Variants in CHIC1 observed in about 807,000 individuals in gnomAD.
CHIC1 encodes the protein cysteine rich hydrophobic domain 1, also known as cysteine-rich hydrophobic domain-containing protein 1.
Under a neutral mutation model 18.5 loss-of-function variants are expected in CHIC1, and 7 were observed. That is an observed-to-expected ratio of 0.38 (90% CI 0.22 to 0.71). The LOEUF is 0.71. Ranked by LOEUF, CHIC1 falls within the 30% of genes least tolerant of loss-of-function variation. The probability of loss-of-function intolerance (pLI) is 0.49; values close to 1 mark genes in which losing one functional copy is unlikely to be tolerated. For missense variants in CHIC1, 159 were observed against 176.9 expected (o/e 0.90, Z 0.57); for synonymous variants, 77 against 73.5 (o/e 1.05, Z -0.25).
intron 1 of CHIC1, among the ~76,000 whole-genome samples, chrX:73,572,491 G>T (rs1252837165): frequency 9.0e-6 from 1 of 111,147 alleles, no homozygotes; most frequent in Admixed American, 9.6e-5. Context: ...TAATGGAATT[G>T]CTGGTTTAAA....
chrX:73,686,072 C>T lies in CHIC1; in HGVS notation c.*5067C>T, dbSNP rs1603351935. On this transcript the variant is annotated 3_prime_UTR_variant, in exon 6 of 6. Transcript: ENST00000373502. ...TCCATTCATTTTGCCTATATTCTCT[C>T]AAAAGCTGTGAATGGCAGTATGTTT... 9.0e-6 allele frequency: 1 copy of T among 111,606 alleles called. No homozygotes were observed. The highest frequency in any genetic ancestry group is 1.9e-5 in the Non-Finnish European group (1 of 52,932). 9.2% of individuals were successfully genotyped at this position (111,606 alleles called of 1,213,427 possible).
Position 73,685,165 on chromosome X carries a change from C to A in CHIC1, c.*4160C>A, listed in dbSNP as rs1364854361. The A allele has an allele frequency of 9.0e-6, 1 of 111,513 alleles. No homozygotes were observed. The highest frequency in any genetic ancestry group is 1.9e-5 in the Non-Finnish European group (1 of 53,007). 9.2% of individuals were successfully genotyped at this position (111,513 alleles called of 1,213,427 possible). On this transcript the variant is annotated 3_prime_UTR_variant, in exon 6 of 6. Coordinates refer to ENST00000373502, the MANE Select transcript of CHIC1 (RefSeq NM_001039840.4). The stretch of plus-strand genomic sequence containing the variant: ...AGATCTACTGTCCTTGGTGGAAACT[C>A]TCACAGTGCCTTGCATGCAGTAAAA...
At chrX:73,564,117 A>T (rs1391558603) in intron 1 of CHIC1, among the ~76,000 whole-genome samples, 2 of 111,839 alleles carry the variant, frequency 1.8e-5, no homozygotes, top group Non-Finnish European at 3.8e-5. Context: ...GAGGTTCAGG[A>T]TGAGAGGCAG....
At chrX:73,607,364 G>C (rs2057688067) in intron 3 of CHIC1, among the ~76,000 whole-genome samples, 1 of 108,264 alleles carries the variant, frequency 9.2e-6, no homozygotes, top group South Asian at 3.8e-4. Flanking sequence ...GTTGACTTCA[G>C]ACTGCTGTGC....
rs781391555 is a variant in CHIC1, at chrX:73,679,765, T to A, written c.624+52T>A. 7.6e-6 allele frequency: 5 copies of A among 658,514 alleles called. No homozygotes were observed. The South Asian group carries it at 1.4e-4, about 19-fold the overall frequency. 54.3% of individuals were successfully genotyped at this position (658,514 alleles called of 1,213,427 possible). A position where few individuals can be genotyped will look rare whatever the true frequency, so the allele number is the denominator to read the frequency against. ...TTTTTTATTCATTCTAAATGTACCA[T>A]TTTCCTGTGTTTATCATTTGTCAAC... On this transcript the variant is annotated intron_variant, in intron 5 of 5. Coordinates refer to ENST00000373502, the MANE Select transcript of CHIC1 (RefSeq NM_001039840.4).
At chrX:73,666,605 A>T (rs138992072) in intron 3 of CHIC1, among the ~76,000 whole-genome samples, 390 of 112,317 alleles carry the variant, frequency 3.5e-3, no homozygotes, top group African/African-American at 1.0e-2. Flanking sequence ...CACACCCAGG[A>T]TCAATACTTT....
At chrX:73,669,397 G>A (rs903098086) in intron 3 of CHIC1, among the ~76,000 whole-genome samples, 4 of 111,820 alleles carry the variant, frequency 3.6e-5, no homozygotes, top group African/African-American at 9.8e-5. Flanking sequence ...GCATTACTCA[G>A]GGGGACCCTT....
intron 3 of CHIC1, among the ~76,000 whole-genome samples, chrX:73,627,964 T>C (rs1048477909): frequency 2.3e-4 from 26 of 111,862 alleles, no homozygotes; most frequent in African/African-American, 8.5e-4. Context: ...ACCTGGGTAT[T>C]GCTGCTGGTT....
At chrX:73,631,391 C>T (rs775203858) in intron 3 of CHIC1, among the ~76,000 whole-genome samples, 1 of 110,358 alleles carries the variant, frequency 9.1e-6, no homozygotes, top group Non-Finnish European at 1.9e-5. Flanking sequence ...CTTTGGGAGG[C>T]TTAGGCGGGC....
intron 5 of CHIC1, 77 bp from the exon 6 acceptor site, chrX:73,680,878 A>G (rs1419719478): frequency 1.9e-6 from 1 of 528,800 alleles, no homozygotes; most frequent in Non-Finnish European, 3.1e-6. Context: ...AAAAATGATT[A>G]TAGACTTTCT....
At chrX:73,593,399 T>C (rs1170891525) in intron 3 of CHIC1, among the ~76,000 whole-genome samples, 3 of 111,604 alleles carry the variant, frequency 2.7e-5, no homozygotes, top group Non-Finnish European at 5.7e-5. Context: ...TTGTGGATGA[T>C]TGTCTTGTAT....
At position 73,577,914 on chromosome X, in the gene CHIC1, A is replaced by G. The variant is rs973284998; in HGVS notation, c.351+453A>G. 8.2e-5 allele frequency among the ~76,000 whole-genome samples: 9 copies of G among 109,380 alleles called. No homozygotes were observed. The Admixed American group carries it at 8.8e-4, about 11-fold the overall frequency. 95.0% of individuals were successfully genotyped at this position (109,380 alleles called of 115,157 possible). ...AGATAGTTGGAGTTGGTAAGATTGG[A>G]CTCACTGTAATAAATTCATACCTTT... On this transcript the variant is annotated intron_variant, in intron 2 of 5. Coordinates refer to ENST00000373502, the MANE Select transcript of CHIC1 (RefSeq NM_001039840.4).
chrX:73,644,961 G>A (rs1422461639), intron 3 of CHIC1, among the ~76,000 whole-genome samples: 1 of 112,227 alleles, frequency 8.9e-6, no homozygotes, highest in African/African-American at 3.2e-5. Flanking sequence ...CTCACACCCG[G>A]TGCGCTGCAC....
At chrX:73,647,577 C>G (rs1323602388) in intron 3 of CHIC1, among the ~76,000 whole-genome samples, 1 of 112,493 alleles carries the variant, frequency 8.9e-6, no homozygotes, top group Non-Finnish European at 1.9e-5. Context: ...CACAACCTAA[C>G]ACACTGGCTA....
intron 2 of CHIC1, among the ~76,000 whole-genome samples, chrX:73,580,575 G>C (rs1199630946): frequency 9.1e-6 from 1 of 110,283 alleles, no homozygotes; most frequent in African/African-American, 3.3e-5. Context: ...CATTTGTTTA[G>C]GTTCCTTTGC....
intron 3 of CHIC1, among the ~76,000 whole-genome samples, chrX:73,672,086 T>A (rs1476996409): frequency 9.0e-6 from 1 of 111,665 alleles, no homozygotes; most frequent in Non-Finnish European, 1.9e-5. Flanking sequence ...TGTCCCTACA[T>A]AGGACATGAA....
chrX:73,611,962 C>T (rs1441591187), intron 3 of CHIC1, among the ~76,000 whole-genome samples: 27 of 108,611 alleles, frequency 2.5e-4, no homozygotes, highest in African/African-American at 7.5e-4. Context: ...TTCTCCCATT[C>T]TGTAGGTTGC....
intron 3 of CHIC1, among the ~76,000 whole-genome samples, chrX:73,637,901 A>T (rs997607678): frequency 7.2e-5 from 8 of 110,857 alleles, no homozygotes; most frequent in Non-Finnish European, 1.5e-4. Context: ...GGAGTGGGCT[A>T]TGCCTTCTTG....
rs191688604 is a variant in CHIC1 at position 73,657,305 on chromosome X, C to T, written c.508-22021C>T. ...TTGATCCCCGACCTCATGATCCACC[C>T]GCCTCAGCCTCCCAAAGTGCTGGGA... On this transcript the variant is annotated intron_variant, in intron 3 of 5. Transcript: ENST00000373502. Among the ~76,000 whole-genome samples the T allele has an allele frequency of 8.1e-5, 9 of 110,848 alleles. No homozygotes were observed. The East Asian group carries it at 8.6e-4, about 11-fold the overall frequency.
Sources: gnomAD v4.1 joint callset for allele counts (sites outside exome capture counted in the v4.1 genomes callset) on GRCh38, gnomAD v4.1.1 for gene constraint, MANE v1.5 for transcripts, NCBI Gene and HGNC (gene_info 2026-07-23, HGNC 2026-07-21) for gene names.